Variants in VSX2 observed in about 807,000 individuals in gnomAD.
VSX2 encodes visual system homeobox 2.
A neutral mutation model predicts 32.1 loss-of-function variants in VSX2; 28 were observed. The ratio of observed to expected loss-of-function variants is 0.87; its 90% CI spans 0.65 to 1.20. The LOEUF (loss-of-function observed/expected upper bound fraction) is 1.20, where lower values mean the gene tolerates loss of function less well. VSX2 is among the 50% of genes most tolerant of loss of function. The pLI, the probability that VSX2 is intolerant of heterozygous loss-of-function variation, is 0.00. For synonymous variants in VSX2, 243 were observed against 214.1 expected, an observed-to-expected ratio of 1.14 and a Z score of -1.18; for missense variants, 506 against 488.7, an observed-to-expected ratio of 1.04 and a Z score of -0.33.
intron 3 of VSX2, among the ~76,000 whole-genome samples, chr14:74,249,019 C>T (rs1235554810): frequency 1.3e-5 from 2 of 152,336 alleles, no homozygotes; most frequent in Middle Eastern, 3.4e-3. Context: ...CAAGAAACCC[C>T]TGCATGTCTG....
In VSX2 at chr14:74,249,624, C is replaced by T. The variant is rs1388730109; in HGVS notation, c.579+4336C>T. Among the ~76,000 whole-genome samples, 3 of 152,114 alleles carry T rather than the reference C, an allele frequency of 2.0e-5. No individual in the cohort carries two copies. In the East Asian group the frequency reaches 5.8e-4, roughly 29 times the overall value. On this transcript the variant is annotated intron_variant, in intron 3 of 4. Coordinates refer to ENST00000261980, the MANE Select transcript of VSX2 (RefSeq NM_182894.3). ...AAATTAGTTAGCTGTCATTCCTACACCCATTTTCTAGATGAAGAAACTGAG... is the reference window on the plus strand; with the variant it reads ...AAATTAGTTAGCTGTCATTCCTACATCCATTTTCTAGATGAAGAAACTGAG...
intron 3 of VSX2, among the ~76,000 whole-genome samples, 161 bp downstream of exon 3, chr14:74,245,449 A>G (rs1039335906): frequency 2.0e-5 from 3 of 151,770 alleles, no homozygotes; most frequent in Admixed American, 1.3e-4. Flanking sequence ...CACCTGCCAC[A>G]TGAGGTGGGT....
Position 74,239,696 on chromosome 14 carries a change from G to A in VSX2, c.135G>A (p.Pro45=), listed in dbSNP as rs757604565. ...TCCTGGGCTTGAACAAGGAGCCCCC[G>A]AGCTCCCACCCGCGGGCAGCGCTCG... ...QEILGLNKEP[P]SSHPRAALDG... The change falls in exon 1 of 5, where the codon CCG becomes CCA. Residue 45 remains proline, a synonymous_variant. Coordinates refer to ENST00000261980, the MANE Select transcript of VSX2 (RefSeq NM_182894.3). 3 of 1,549,868 alleles carry A rather than the reference G, an allele frequency of 1.9e-6. No individual in the cohort carries two copies. Among genetic ancestry groups the A allele is most frequent in the East Asian group, 2.4e-5 (1 of 40,906 alleles).
intron 3 of VSX2, among the ~76,000 whole-genome samples, chr14:74,257,339 C>G (rs1163621103): frequency 2.0e-5 from 3 of 152,254 alleles, no homozygotes; most frequent in Admixed American, 1.3e-4. Flanking sequence ...AGAGGCCTTG[C>G]ACCTGTGCTT....
intron 2 of VSX2, among the ~76,000 whole-genome samples, chr14:74,244,300 C>T (rs146116897): frequency 1.8e-3 from 276 of 152,184 alleles, no homozygotes; most frequent in African/African-American, 6.4e-3. Flanking sequence ...CAGGGTGGCC[C>T]GAATGGAACC....
At position 74,261,349 on chromosome 14, in the gene VSX2, C is replaced by T. The variant is rs563564973; in HGVS notation, c.*430C>T. 4 of 186,308 alleles carry T rather than the reference C, an allele frequency of 2.1e-5. No homozygotes were observed. Among genetic ancestry groups the T allele is most frequent in the East Asian group, 1.3e-4 (1 of 7,736 alleles). The allele number at this position is 186,308 out of a possible 1,614,324, so 11.5% of individuals were successfully genotyped here. A position where few individuals can be genotyped will look rare whatever the true frequency, so the allele number is the denominator to read the frequency against. On this transcript the variant is annotated 3_prime_UTR_variant, in exon 5 of 5. Coordinates refer to ENST00000261980, the MANE Select transcript of VSX2 (RefSeq NM_182894.3). ...TTGCCTGCCATGGCTGTGACACAGA[C>T]GGAGGACTGGAACTGCAACTCCAGC...
At chr14:74,251,798 G>C (rs1211598429) in intron 3 of VSX2, among the ~76,000 whole-genome samples, 3 of 146,956 alleles carry the variant, frequency 2.0e-5, no homozygotes, top group Non-Finnish European at 3.0e-5. Flanking sequence ...AATAAACCGC[G>C]GGCGAAGTGC....
intron 3 of VSX2, among the ~76,000 whole-genome samples, chr14:74,257,734 C>A (rs1191636180): frequency 6.6e-6 from 1 of 151,872 alleles, no homozygotes; most frequent in East Asian, 2.0e-4. Flanking sequence ...CCCCCGAGCC[C>A]CGCCGGCCCC....
intron 3 of VSX2, among the ~76,000 whole-genome samples, chr14:74,257,785 G>T (rs1283594998): frequency 6.6e-6 from 1 of 151,110 alleles, no homozygotes; most frequent in South Asian, 2.1e-4. Context: ...AGCTGTCAGC[G>T]GCGCGATGTT....
chr14:74,248,334 T>TAAAAAAAAAAAAA (rs781035795), intron 3 of VSX2, among the ~76,000 whole-genome samples: 21 of 84,706 alleles, frequency 2.5e-4, no homozygotes, highest in East Asian at 6.7e-4. Flanking sequence ...GAGACCAGGC[T>TAAAAAAAAAAAAA]AAAAAAAAAA....
chr14:74,239,454 T>A lies in VSX2; in HGVS notation c.-108T>A. On this transcript the variant is annotated 5_prime_UTR_variant, in exon 1 of 5. Transcript: ENST00000261980. ...GGAATCTCCTTGGGCTCCAGAGCAT[T>A]AGACACCGGAGGGGGCACCTGGGAC... The A allele has an allele frequency of 1.4e-6, 2 of 1,474,046 alleles. No homozygotes were observed. Among genetic ancestry groups the A allele is most frequent in the Admixed American group, 3.9e-5 (2 of 50,844 alleles). The allele number at this position is 1,474,046 out of a possible 1,614,324, so 91.3% of individuals were successfully genotyped here. A position where few individuals can be genotyped will look rare whatever the true frequency, so the allele number is the denominator to read the frequency against.
chr14:74,261,151 C>A lies in VSX2; in HGVS notation c.*232C>A. ...CTCTCCAGCATCCCAGCCTCAGAAG[C>A]CTTCTTGCTGCCCACAACGTCCCCT... On this transcript the variant is annotated 3_prime_UTR_variant, in exon 5 of 5. Coordinates refer to ENST00000261980, the MANE Select transcript of VSX2 (RefSeq NM_182894.3). 1.7e-6 allele frequency: 1 copy of A among 576,506 alleles called. No homozygotes were observed. Among genetic ancestry groups the A allele is most frequent in the South Asian group, 2.3e-5 (1 of 43,668 alleles). The allele number at this position is 576,506 out of a possible 1,614,324, so 35.7% of individuals were successfully genotyped here. A position where few individuals can be genotyped will look rare whatever the true frequency, so the allele number is the denominator to read the frequency against.
chr14:74,245,547 C>T (rs1334107189), intron 3 of VSX2, among the ~76,000 whole-genome samples: 3 of 152,086 alleles, frequency 2.0e-5, no homozygotes, highest in Non-Finnish European at 2.9e-5. Flanking sequence ...ACAGACCCTG[C>T]GGGGGTCTGG....
intron 3 of VSX2, among the ~76,000 whole-genome samples, chr14:74,257,713 C>CT (rs1362019139): frequency 6.7e-6 from 1 of 149,882 alleles, no homozygotes; most frequent in East Asian, 2.0e-4. Context: ...CGGACCACCC[C>CT]CCACCCACTT....
In VSX2 at chr14:74,262,683, A is replaced by G. The variant is rs886050746; in HGVS notation, c.*1764A>G. 2 of 152,212 alleles carry G rather than the reference A, an allele frequency of 1.3e-5. No individual in the cohort carries two copies. Among genetic ancestry groups the G allele is most frequent in the Non-Finnish European group, 2.9e-5 (2 of 68,032 alleles). 9.4% of individuals were successfully genotyped at this position (152,212 alleles called of 1,614,324 possible). A position where few individuals can be genotyped will look rare whatever the true frequency, so the allele number is the denominator to read the frequency against. On this transcript the variant is annotated 3_prime_UTR_variant, in exon 5 of 5. Coordinates refer to ENST00000261980, the MANE Select transcript of VSX2 (RefSeq NM_182894.3). ...AACTTCTAGGTATTCGAAACCTGTG[A>G]TTTCTGTGCCATTTTCTGTAAAGAT...
chr14:74,241,613 C>T (rs896615837), intron 2 of VSX2, among the ~76,000 whole-genome samples: 6 of 152,212 alleles, frequency 3.9e-5, no homozygotes, highest in African/African-American at 1.4e-4. Context: ...GACCCGGCGG[C>T]GGGCAGATTA....
intron 3 of VSX2, among the ~76,000 whole-genome samples, chr14:74,256,664 T>C (rs1235674382): frequency 3.6e-5 from 5 of 139,736 alleles, no homozygotes; most frequent in East Asian, 2.2e-4. Context: ...AAACCGGGAG[T>C]CATACTTTTT....
At chr14:74,248,687 T>C (rs1246168901) in intron 3 of VSX2, among the ~76,000 whole-genome samples, 6 of 127,246 alleles carry the variant, frequency 4.7e-5, no homozygotes, top group Admixed American at 1.8e-4. Flanking sequence ...TGAGACTCTG[T>C]CTCAAAAACA....
intron 3 of VSX2, 89 bp downstream of exon 3, chr14:74,245,377 T>C: frequency 6.4e-7 from 1 of 1,559,620 alleles, no homozygotes; most frequent in Non-Finnish European, 8.7e-7. Flanking sequence ...TGACCCCGCC[T>C]CCCAGCCCCA....
Sources: allele counts gnomAD v4.1 joint callset (sites outside exome capture counted in the v4.1 genomes callset), GRCh38; gene constraint gnomAD v4.1.1; transcripts MANE v1.5; gene names NCBI Gene and HGNC (gene_info 2026-07-23, HGNC 2026-07-21).